The following ADARB2 variants were observed in gnomAD, a reference collection of about 807,000 sequenced individuals.
ADARB2 encodes adenosine deaminase RNA specific B2 (inactive), also known as inactive double-stranded RNA-specific editase B2.
ADARB2 carries 25 observed loss-of-function variants against 62.2 expected under a neutral mutation model. That is an observed-to-expected ratio of 0.40 (90% confidence interval 0.29 to 0.56). The LOEUF (loss-of-function observed/expected upper bound fraction) is 0.56, where lower values mean the gene tolerates loss of function less well. Among genes scored for constraint, ADARB2 ranks in the 20% least tolerant of loss-of-function variants. ADARB2 has a pLI of 0.43. For synonymous variants in ADARB2, 572 were observed against 500.8 expected (o/e 1.14, Z -1.90); for missense variants, 1,071 against 1,077.4 (o/e 0.99, Z 0.08).
chr10:1,486,663 C>A (rs60797470), intron 1 of ADARB2, among the ~76,000 whole-genome samples: 2,776 of 152,128 alleles, frequency 0.018, 77 homozygotes, highest in African/African-American at 0.063. Context: ...CAAGAAAAAG[C>A]AGGGGTGCAA....
At chr10:1,391,940 A>G (rs1832574886) in intron 1 of ADARB2, among the ~76,000 whole-genome samples, 1 of 151,590 alleles carries the variant, frequency 6.6e-6, no homozygotes, top group Non-Finnish European at 1.5e-5. Flanking sequence ...TAATTTTTAT[A>G]TTTTTTGTAG....
chr10:1,688,476 G>A (rs1178571748), intron 1 of ADARB2, among the ~76,000 whole-genome samples: 2 of 152,350 alleles, frequency 1.3e-5, no homozygotes, highest in Admixed American at 6.5e-5. Flanking sequence ...AACACTCAGG[G>A]ATGGCTCCGA....
rs34911677 is a variant in ADARB2, at chr10:1,480,939, C to CT, written c.101-101780dup. On this transcript the variant is annotated intron_variant, in intron 1 of 9. Transcript: ENST00000381312. ...GTAATCTCTATCAACATCCCAAGGA[C>CT]TTTTTTTCAGAAATAGAAAAACCCA... is the stretch of plus-strand genomic sequence containing the variant. Among the ~76,000 whole-genome samples, 287 of 152,206 alleles carry CT rather than the reference C, an allele frequency of 1.9e-3. 1 individual carries two copies. The highest frequency in any genetic ancestry group is 6.3e-3 in the African/African-American group (262 of 41,516).
At position 1,230,145 on chromosome 10, in the gene ADARB2, G is replaced by A. The variant is rs531281028; in HGVS notation, c.1513+3549C>T. On this transcript the variant is annotated intron_variant, in intron 6 of 9. Coordinates refer to ENST00000381312, the MANE Select transcript of ADARB2 (RefSeq NM_018702.4). ...TCCTCTGGCCCCCAGCAAAGGTCTC[G>A]GTGGAGGGGACTGAGCTCTCTGCAC... Among the ~76,000 whole-genome samples the A allele has an allele frequency of 3.3e-5, 5 of 152,234 alleles. No individual in the cohort carries two copies. In the East Asian group the frequency reaches 9.7e-4, roughly 29 times the overall value.
chr10:1,391,324 G>A (rs1832568598), intron 1 of ADARB2, among the ~76,000 whole-genome samples: 1 of 152,196 alleles, frequency 6.6e-6, no homozygotes, highest in African/African-American at 2.4e-5. Context: ...TGCACTAGGG[G>A]ATAAATTGCT....
intron 7 of ADARB2, among the ~76,000 whole-genome samples, chr10:1,212,571 G>A (rs1049130241): frequency 6.6e-6 from 1 of 152,214 alleles, no homozygotes; most frequent in Non-Finnish European, 1.5e-5. Flanking sequence ...AACAAGGGCT[G>A]TTGACTGAGG....
intron 3 of ADARB2, among the ~76,000 whole-genome samples, chr10:1,303,674 G>T (rs1472367321): frequency 6.6e-6 from 1 of 152,166 alleles, no homozygotes; most frequent in Non-Finnish European, 1.5e-5. Context: ...ACTAACAGCT[G>T]ATCTCTCGGC....
intron 1 of ADARB2, among the ~76,000 whole-genome samples, chr10:1,601,173 A>C (rs7898120): frequency 0.9 from 136,645 of 152,240 alleles, 61,553 homozygotes; most frequent in South Asian, 0.93. Context: ...CACCCAACTC[A>C]TAAAGTCACA....
chr10:1,536,088 C>T (rs1832328650), intron 1 of ADARB2, among the ~76,000 whole-genome samples: 1 of 152,164 alleles, frequency 6.6e-6, no homozygotes, highest in South Asian at 2.1e-4. Context: ...AGTGCCCAAG[C>T]TCCTGGCAGG....
intron 8 of ADARB2, chr10:1,186,592 C>A: frequency 1.9e-6 from 1 of 518,356 alleles, no homozygotes; most frequent in Non-Finnish European, 3.9e-6. Context: ...GCCCTTCCTG[C>A]CTTCCTGGCC....
chr10:1,703,999 C>T (rs1834855942), intron 1 of ADARB2, among the ~76,000 whole-genome samples: 4 of 152,220 alleles, frequency 2.6e-5, no homozygotes, highest in Admixed American at 2.6e-4. Flanking sequence ...TTGGATGCTA[C>T]ATTAGCTATC....
At chr10:1,376,964 G>T (rs1049704133) in intron 2 of ADARB2, among the ~76,000 whole-genome samples, 1 of 144,392 alleles carries the variant, frequency 6.9e-6, no homozygotes, top group African/African-American at 2.6e-5. Flanking sequence ...GTGTGTTTGT[G>T]TGCACCCCTG....
At chr10:1,190,132 CGCA>C (rs1836821561) in intron 8 of ADARB2, among the ~76,000 whole-genome samples, 1 of 152,040 alleles carries the variant, frequency 6.6e-6, no homozygotes, top group African/African-American at 2.4e-5. Flanking sequence ...AGAAATTGCA[CGCA>C]GGAGTCTGAA....
intron 3 of ADARB2, among the ~76,000 whole-genome samples, chr10:1,301,231 CA>C (rs1296516284): frequency 2.6e-5 from 4 of 152,160 alleles, no homozygotes; most frequent in African/African-American, 9.7e-5. Flanking sequence ...TTAAAGATAA[CA>C]AGATAAAATG....
At chr10:1,495,744 CCAT>C (rs905169313) in intron 1 of ADARB2, among the ~76,000 whole-genome samples, 43 of 150,298 alleles carry the variant, frequency 2.9e-4, no homozygotes, top group South Asian at 2.1e-4. Flanking sequence ...GTCATCATCA[CCAT>C]CATCATCATC....
At chr10:1,506,673 CT>C (rs1338196092) in intron 1 of ADARB2, among the ~76,000 whole-genome samples, 1 of 152,222 alleles carries the variant, frequency 6.6e-6, no homozygotes, top group Non-Finnish European at 1.5e-5. Context: ...CTCTGTTCAT[CT>C]CGTAAAAGAG....
At chr10:1,697,867 C>T (rs573290609) in intron 1 of ADARB2, among the ~76,000 whole-genome samples, 3 of 152,164 alleles carry the variant, frequency 2.0e-5, no homozygotes, top group African/African-American at 4.8e-5. Flanking sequence ...ACTCCGTAAC[C>T]GTGAATTCAT....
chr10:1,471,980 A>G (rs748771288), intron 1 of ADARB2, among the ~76,000 whole-genome samples: 1 of 152,138 alleles, frequency 6.6e-6, no homozygotes, highest in African/African-American at 2.4e-5. Context: ...TCATTTAACT[A>G]CTTACACATC....
At chr10:1,367,335 T>C (rs1201310699) in intron 2 of ADARB2, among the ~76,000 whole-genome samples, 1 of 152,220 alleles carries the variant, frequency 6.6e-6, no homozygotes, top group Non-Finnish European at 1.5e-5. Flanking sequence ...ATTTTTTGAA[T>C]TGTGAGGTGG....
Sources: gnomAD v4.1 joint callset for allele counts (sites outside exome capture counted in the v4.1 genomes callset) on GRCh38, gnomAD v4.1.1 for gene constraint, MANE v1.5 for transcripts, NCBI Gene and HGNC (gene_info 2026-07-23, HGNC 2026-07-21) for gene names.